The following POPDC2 variants were observed in gnomAD, a reference collection of about 807,000 sequenced individuals.
POPDC2 encodes the protein popeye domain-containing protein 2.
In POPDC2, 24 loss-of-function variants were observed where a neutral mutation model predicts 30.5. That is an observed-to-expected ratio of 0.79 (90% CI 0.57 to 1.11). The LOEUF is 1.11. Among genes scored for constraint, POPDC2 ranks in the 50% least tolerant of loss-of-function variants. The pLI, the probability that POPDC2 is intolerant of heterozygous loss-of-function variation, is 0.00. For missense variants in POPDC2, 409 were observed against 447.0 expected, an observed-to-expected ratio of 0.91 and a Z score of 0.77; for synonymous variants, 185 against 183.3, an observed-to-expected ratio of 1.01 and a Z score of -0.07.
Position 119,659,920 on chromosome 3 carries a change from T to TAG in POPDC2, c.491+11_491+12dup. Reference sequence around the variant, plus strand: ...GGGGAAAGAAATTCTGGGCAATGGATAGAGTAGCTTACCGGCCAGAGAGCA... The same window carrying TAG: ...GGGGAAAGAAATTCTGGGCAATGGATAGAGAGTAGCTTACCGGCCAGAGAGCA... On this transcript the variant is annotated intron_variant, in intron 1 of 3. Transcript: ENST00000493094. The TAG allele has an allele frequency of 6.4e-7, 1 of 1,568,514 alleles. No individual in the cohort carries two copies. Among genetic ancestry groups the TAG allele is most frequent in the Non-Finnish European group, 8.7e-7 (1 of 1,152,460 alleles).
rs145823894 is a variant in POPDC2 at position 119,659,814 on chromosome 3, C to T, written c.491+119G>A. 3.9e-6 allele frequency: 5 copies of T among 1,289,102 alleles called. No homozygotes were observed. The African/African-American group carries it at 4.4e-5, about 11-fold the overall frequency. 79.9% of individuals were successfully genotyped at this position (1,289,102 alleles called of 1,614,324 possible). On this transcript the variant is annotated intron_variant, in intron 1 of 3. Coordinates refer to ENST00000493094, the MANE Select transcript of POPDC2 (RefSeq NM_001369919.2). ...TTTGGTTTGTTTGACTTGTCACATC[C>T]TTCCCTCAATGGAAGGGGACACGAA...
At chr3:119,649,400 G>A (rs1372250834) in intron 2 of POPDC2, among the ~76,000 whole-genome samples, 1 of 152,212 alleles carries the variant, frequency 6.6e-6, no homozygotes, top group African/African-American at 2.4e-5. Flanking sequence ...ATGATGCAAA[G>A]CTAAATTACG....
At chr3:119,652,799 A>G (rs576859256) in intron 2 of POPDC2, among the ~76,000 whole-genome samples, 20 of 152,186 alleles carry the variant, frequency 1.3e-4, no homozygotes, top group African/African-American at 4.8e-4. Flanking sequence ...TGACCCTGGC[A>G]GTGGGATCAG....
Position 119,648,617 on chromosome 3 carries a change from T to A in POPDC2, c.652A>T (p.Ser218Cys). 1 of 1,614,066 alleles carries A rather than the reference T, an allele frequency of 6.2e-7. No homozygotes were observed. The highest frequency in any genetic ancestry group is 8.5e-7 in the Non-Finnish European group (1 of 1,179,998). Reference protein sequence around the residue: ...SCSYISWPRKSLHLLLTKERY... With the variant: ...SCSYISWPRKCLHLLLTKERY... Reference sequence around the variant, plus strand: ...TCTTTGGTCAGAAGAAGATGGAGACTTTTCCGGGGCCAGGAAATGTAGCTA... The same window carrying A: ...TCTTTGGTCAGAAGAAGATGGAGACATTTCCGGGGCCAGGAAATGTAGCTA... Residue 218 changes from serine (S) to cysteine (C), a missense_variant, in exon 3 of 4, where the codon AGT becomes TGT. Coordinates refer to ENST00000493094, the MANE Select transcript of POPDC2 (RefSeq NM_001369919.2).
rs1420920224 is a variant in POPDC2, at chr3:119,654,822, AT to A, written c.492-210del. On this transcript the variant is annotated intron_variant, in intron 1 of 3. Transcript: ENST00000493094. ...ACCCATTGAGACTTCCAGAACCCTC[AT>A]TTTTCCTCCTCCTTCTCCTTACTGG... 1.3e-5 allele frequency: 7 copies of A among 525,030 alleles called. No homozygotes were observed. The East Asian group carries it at 2.3e-4, about 17-fold the overall frequency. The allele number at this position is 525,030 out of a possible 1,614,324, so 32.5% of individuals were successfully genotyped here.
intron 3 of POPDC2, chr3:119,643,488 A>C: frequency 1.6e-6 from 2 of 1,275,488 alleles, no homozygotes; most frequent in Non-Finnish European, 2.2e-6. Flanking sequence ...AGAGACTGCT[A>C]AACAATTGTA....
intron 1 of POPDC2, among the ~76,000 whole-genome samples, chr3:119,657,575 C>T (rs1198600880): frequency 6.6e-6 from 1 of 152,164 alleles, no homozygotes; most frequent in African/African-American, 2.4e-5. Context: ...AAAAGGGGAT[C>T]AAAACCTCAC....
intron 2 of POPDC2, among the ~76,000 whole-genome samples, chr3:119,651,114 C>A (rs1385190721): frequency 6.6e-6 from 1 of 152,202 alleles, no homozygotes; most frequent in African/African-American, 2.4e-5. Flanking sequence ...AACTTTCTCT[C>A]CTGCTATTCC....
At chr3:119,648,014 TC>T in intron 3 of POPDC2, 104 bp downstream of exon 3, 12 of 938,220 alleles carry the variant, frequency 1.3e-5, no homozygotes, top group Non-Finnish European at 1.8e-5. Flanking sequence ...TTTCTGTGAG[TC>T]CTCTAAGAGG....
chr3:119,650,175 C>T (rs116467309), intron 2 of POPDC2, among the ~76,000 whole-genome samples: 2,030 of 152,132 alleles, frequency 0.013, 26 homozygotes, highest in African/African-American at 0.039. Flanking sequence ...AGAACTACGC[C>T]GAATGTAAAT....
At chr3:119,644,108 T>C (rs2052719551) in intron 3 of POPDC2, among the ~76,000 whole-genome samples, 1 of 152,238 alleles carries the variant, frequency 6.6e-6, no homozygotes, top group African/African-American at 2.4e-5. Flanking sequence ...CTTGGTACTA[T>C]GTCCTGATCC....
chr3:119,660,542 CCA>C lies in POPDC2; in HGVS notation c.-121_-120del, dbSNP rs2052931752. 1.7e-6 allele frequency: 2 copies of C among 1,165,280 alleles called. No individual in the cohort carries two copies. The highest frequency in any genetic ancestry group is 5.1e-5 in the East Asian group (2 of 38,980). 72.2% of individuals were successfully genotyped at this position (1,165,280 alleles called of 1,614,324 possible). A position where few individuals can be genotyped will look rare whatever the true frequency, so the allele number is the denominator to read the frequency against. ...CACCTCCGGCTTCTCACTACCGACTCCACCTTTCCTAGAAGGAATGCTTCCGG... is the reference window on the plus strand; with the variant it reads ...CACCTCCGGCTTCTCACTACCGACTCCCTTTCCTAGAAGGAATGCTTCCGG... On this transcript the variant is annotated 5_prime_UTR_variant, in exon 1 of 4. Transcript: ENST00000493094.
intron 3 of POPDC2, chr3:119,643,270 C>T: frequency 2.5e-6 from 2 of 791,514 alleles, no homozygotes; most frequent in East Asian, 5.4e-5. Flanking sequence ...TGCCTCCTCC[C>T]AAACAGATGA....
rs745509638 is a variant in POPDC2 at position 119,660,237 on chromosome 3, A to G, written c.187T>C (p.Cys63Arg). The G allele has an allele frequency of 4.3e-6, 7 of 1,614,204 alleles. No homozygotes were observed. The highest frequency in any genetic ancestry group is 5.9e-6 in the Non-Finnish European group (7 of 1,180,028). ...CTGAACCAGCCCCACAGCACGCAGC[A>G]CAGGTAACCTGCACTCAGGAAGCCA... ...LFGFLSAGYL[C>R]CVLWGWFSAC... Residue 63 changes from cysteine (C) to arginine (R), a missense_variant, in exon 1 of 4, where the codon TGC (cysteine) becomes CGC (arginine). Coordinates refer to ENST00000493094, the MANE Select transcript of POPDC2 (RefSeq NM_001369919.2).
At chr3:119,659,095 G>A (rs1410394978) in intron 1 of POPDC2, among the ~76,000 whole-genome samples, 1 of 152,106 alleles carries the variant, frequency 6.6e-6, no homozygotes, top group Admixed American at 6.5e-5. Context: ...GCCCCGTGAT[G>A]TTTTCTCAGA....
chr3:119,656,976 A>C (rs2052886661), intron 1 of POPDC2, among the ~76,000 whole-genome samples: 1 of 152,236 alleles, frequency 6.6e-6, no homozygotes, highest in Non-Finnish European at 1.5e-5. Context: ...GCACATAAAT[A>C]ACTGGCTGCA....
At chr3:119,660,648 C>A (rs75032955), upstream of POPDC2, 2 of 287,556 alleles carry the variant, frequency 7.0e-6, no homozygotes, top group Non-Finnish European at 1.2e-5. Context: ...CTCTCTCTCT[C>A]CCCCTCTCCC....
intron 3 of POPDC2, among the ~76,000 whole-genome samples, 193 bp from the exon 4 acceptor site, chr3:119,642,754 T>C (rs2052704877): frequency 6.6e-6 from 1 of 152,212 alleles, no homozygotes; most frequent in Non-Finnish European, 1.5e-5. Context: ...AAGTCAGCTT[T>C]GAAGGTATCT....
chr3:119,648,053 C>A, intron 3 of POPDC2, 66 bp downstream of exon 3: 1 of 1,281,942 alleles, frequency 7.8e-7, no homozygotes, highest in South Asian at 1.7e-5. Context: ...TTTTTTTTGC[C>A]CTAACAAGCT....
Sources: allele counts gnomAD v4.1 joint callset (sites outside exome capture counted in the v4.1 genomes callset), GRCh38; gene constraint gnomAD v4.1.1; transcripts MANE v1.5; gene names NCBI Gene and HGNC (gene_info 2026-07-23, HGNC 2026-07-21).